The following CDH23 variants were observed in gnomAD, a reference collection of about 807,000 sequenced individuals.
CDH23 encodes cadherin related 23.
A neutral mutation model predicts 317.1 loss-of-function variants in CDH23; 189 were observed. The observed-to-expected ratio is 0.60, with a 90% CI of 0.53 to 0.67. CDH23 has a LOEUF of 0.67. Among genes scored for constraint, CDH23 ranks in the 30% least tolerant of loss-of-function variants. The probability of loss-of-function intolerance (pLI) is 0.00; values close to 1 mark genes in which losing one functional copy is unlikely to be tolerated. For synonymous variants in CDH23, 1,839 were observed against 1,876.8 expected (o/e 0.98, Z 0.52); for missense variants, 4,401 against 4,592.4 (o/e 0.96, Z 1.20).
At chr10:71,558,318 G>C (rs1589205437) in intron 6 of CDH23, among the ~76,000 whole-genome samples, 1 of 152,032 alleles carries the variant, frequency 6.6e-6, no homozygotes, top group Non-Finnish European at 1.5e-5. Flanking sequence ...TTTTCCTCTG[G>C]AATTCCTATT....
At position 71,790,304 on chromosome 10, in the gene CDH23, G is replaced by A. The variant is rs377520599; in HGVS notation, c.5940G>A (p.Val1980=). The A allele has an allele frequency of 1.2e-6, 2 of 1,613,832 alleles. No homozygotes were observed. Among genetic ancestry groups the A allele is most frequent in the African/African-American group, 1.3e-5 (1 of 75,056 alleles). The change falls in exon 46 of 70, where the codon GTG becomes GTA. Residue 1980 remains valine (V), a synonymous_variant. Coordinates refer to ENST00000224721, the MANE Select transcript of CDH23 (RefSeq NM_022124.6). The stretch of plus-strand genomic sequence containing the variant: ...CTGGCCCAGGCACCCCTCTCACGGT[G>A]CTCAATGGGCCCATCCTGGCCCTGG... ...ENSPAGTPLT[V]LNGPILALDA... is the part of the protein sequence containing the mutation.
intron 66 of CDH23, 48 bp downstream of exon 66, chr10:71,812,063 AGGACCCAGCTGG>A: frequency 6.2e-7 from 1 of 1,613,814 alleles, no homozygotes; most frequent in South Asian, 1.1e-5. Context: ...GAGTCCTGCC[AGGACCCAGCTGG>A]GGAGAGCTGC....
At chr10:71,686,223 A>G (rs74145295) in intron 18 of CDH23, among the ~76,000 whole-genome samples, 318 of 152,190 alleles carry the variant, frequency 2.1e-3, no homozygotes, top group African/African-American at 7.4e-3. Flanking sequence ...ATGCTCTGTC[A>G]CTGACATTCT....
At position 71,521,921 on chromosome 10, in the gene CDH23, C is replaced by T. The variant is rs117667392; in HGVS notation, c.429+10709C>T. ...CTGGCCCCCCACCTGCAGACAGGGGCGGTCGCCTGCCTGTGCACAGTAAGA... is the reference window on the plus strand; with the variant it reads ...CTGGCCCCCCACCTGCAGACAGGGGTGGTCGCCTGCCTGTGCACAGTAAGA... On this transcript the variant is annotated intron_variant, in intron 6 of 69. Transcript: ENST00000224721. Among the ~76,000 whole-genome samples the T allele has an allele frequency of 5.1e-3, 772 of 152,272 alleles. 31 individuals carry two copies. The East Asian group carries it at 0.11, about 21-fold the overall frequency.
chr10:71,660,250 T>A (rs1282173986), intron 14 of CDH23, among the ~76,000 whole-genome samples: 2 of 152,164 alleles, frequency 1.3e-5, no homozygotes, highest in East Asian at 3.8e-4. Context: ...CCGGCCTGAC[T>A]CAGCCATTTC....
At chr10:71,575,044 G>A (rs778145671) in intron 8 of CDH23, among the ~76,000 whole-genome samples, 1 of 152,146 alleles carries the variant, frequency 6.6e-6, no homozygotes, top group Non-Finnish European at 1.5e-5. Flanking sequence ...AGGAAAGAGA[G>A]AGAGGGGGAA....
At position 71,439,869 on chromosome 10, in the gene CDH23, G is replaced by T. The variant is rs771391320; in HGVS notation, c.38G>T (p.Trp13Leu). The T allele has an allele frequency of 1.9e-6, 3 of 1,575,458 alleles. No individual in the cohort carries two copies. In the East Asian group the frequency reaches 7.0e-5, roughly 37 times the overall value. The change falls in exon 2 of 70, where the codon TGG (tryptophan) becomes TTG (leucine). Residue 13 changes from tryptophan (W) to leucine (L), a missense_variant. Transcript: ENST00000224721. ...RHVATSCHVAWLLVLISGCWG... is the reference protein window; with the variant it reads ...RHVATSCHVALLLVLISGCWG... ...GTTGCCACCAGCTGCCACGTGGCCT[G>T]GCTTTTGGTGCTGATCTCTGGATGC...
intron 9 of CDH23, among the ~76,000 whole-genome samples, chr10:71,609,717 G>A (rs567651950): frequency 1.9e-4 from 29 of 152,110 alleles, no homozygotes; most frequent in Non-Finnish European, 4.3e-4. Flanking sequence ...AATTATACAT[G>A]TGCCATAAAC....
At chr10:71,714,272 C>T (rs1010762437) in intron 28 of CDH23, 2 of 152,092 alleles carry the variant, frequency 1.3e-5, no homozygotes, top group Non-Finnish European at 2.9e-5. Flanking sequence ...CAGCTTCCAC[C>T]AAGACTCCTG....
intron 3 of CDH23, among the ~76,000 whole-genome samples, chr10:71,450,496 GA>G (rs1850384363): frequency 3.3e-5 from 5 of 152,096 alleles, no homozygotes; most frequent in African/African-American, 1.2e-4. Context: ...TCAAACTCCC[GA>G]CCTCAGGTGA....
intron 6 of CDH23, among the ~76,000 whole-genome samples, chr10:71,535,809 C>T (rs1279179995): frequency 1.3e-5 from 2 of 152,226 alleles, no homozygotes; most frequent in African/African-American, 2.4e-5. Flanking sequence ...TTGAGCCAGG[C>T]AAGTGGCATT....
intron 41 of CDH23, among the ~76,000 whole-genome samples, chr10:71,782,867 G>A (rs1308297714): frequency 6.6e-6 from 1 of 152,266 alleles, no homozygotes; most frequent in Non-Finnish European, 1.5e-5. Flanking sequence ...AAGAGCCTGG[G>A]AGCGGAAGGG....
chr10:71,656,133 GC>G (rs1336923641), intron 14 of CDH23, among the ~76,000 whole-genome samples: 1 of 152,132 alleles, frequency 6.6e-6, no homozygotes, highest in Non-Finnish European at 1.5e-5. Context: ...GCAGACCGCA[GC>G]CCCAGGACCA....
intron 9 of CDH23, among the ~76,000 whole-genome samples, chr10:71,609,950 CCGTGTGTGTGT>C (rs1400768307): frequency 8.5e-6 from 1 of 117,488 alleles, no homozygotes; most frequent in Non-Finnish European, 1.8e-5. Flanking sequence ...AAGGACTCCC[CCGTGTGTGTGT>C]GTGTGTGTGT....
chr10:71,720,207 T>A (rs1269362971), intron 28 of CDH23, among the ~76,000 whole-genome samples: 1 of 152,122 alleles, frequency 6.6e-6, no homozygotes, highest in Non-Finnish European at 1.5e-5. Context: ...TCCTGCAGCG[T>A]CCCTGGGCCC....
At chr10:71,746,032 A>C (rs1005070635) in intron 38 of CDH23, among the ~76,000 whole-genome samples, 6 of 152,212 alleles carry the variant, frequency 3.9e-5, no homozygotes, top group African/African-American at 1.4e-4. Flanking sequence ...TGTTCATCCA[A>C]CACCAAGTAT....
intron 6 of CDH23, among the ~76,000 whole-genome samples, chr10:71,524,252 G>A (rs1202613842): frequency 1.3e-5 from 2 of 152,204 alleles, no homozygotes; most frequent in African/African-American, 4.8e-5. Flanking sequence ...AGGGCCTGGC[G>A]CACGGTGGGG....
In CDH23 at chr10:71,815,013, G is replaced by C; in HGVS notation, c.9800G>C (p.Arg3267Pro). 6.2e-7 allele frequency: 1 copy of C among 1,612,218 alleles called. No individual in the cohort carries two copies. The highest frequency in any genetic ancestry group is 8.5e-7 in the Non-Finnish European group (1 of 1,179,680). ...CACAGCCCAGGGCAGGGTAGCCTGC[G>C]CTTCCGCCACAAGCCACCAGTGGAG... Reference protein sequence around the residue: ...GDHSPGQGSLRFRHKPPVELK... With the variant: ...GDHSPGQGSLPFRHKPPVELK... Residue 3267 changes from arginine to proline, a missense_variant, in exon 70 of 70, where the codon CGC becomes CCC. By Grantham distance (103) the Arg-to-Pro change is moderately radical (BLOSUM62 -2). Coordinates refer to ENST00000224721, the MANE Select transcript of CDH23 (RefSeq NM_022124.6).
At chr10:71,811,853 G>T in intron 65 of CDH23, 100 bp downstream of exon 65, 1 of 1,586,546 alleles carries the variant, frequency 6.3e-7, no homozygotes, top group Non-Finnish European at 8.6e-7. Context: ...CCTTCACTGG[G>T]CCCAGGACCA....
Sources: allele counts gnomAD v4.1 joint callset (sites outside exome capture counted in the v4.1 genomes callset), GRCh38; gene constraint gnomAD v4.1.1; transcripts MANE v1.5; gene names NCBI Gene and HGNC (gene_info 2026-07-23, HGNC 2026-07-21).